BNC2: variants seen among roughly 807,000 people sequenced by gnomAD.
BNC2 encodes zinc finger protein basonuclin-2.
In BNC2, 20 loss-of-function variants were observed where a neutral mutation model predicts 76.3. That is an observed-to-expected ratio of 0.26 (90% confidence interval 0.18 to 0.38). The LOEUF (loss-of-function observed/expected upper bound fraction) is 0.38. Ranked by LOEUF, BNC2 falls within the 10% of genes least tolerant of loss-of-function variation. The probability of loss-of-function intolerance (pLI) is 1.00; values close to 1 mark genes in which losing one functional copy is unlikely to be tolerated. For missense variants in BNC2, 1,382 were observed against 1,399.8 expected (o/e 0.99, Z 0.20); for synonymous variants, 582 against 514.8 (o/e 1.13, Z -1.77).
At chr9:16,677,258 A>G (rs1338026587) in intron 3 of BNC2, among the ~76,000 whole-genome samples, 1 of 152,152 alleles carries the variant, frequency 6.6e-6, no homozygotes, top group Non-Finnish European at 1.5e-5. Flanking sequence ...CTATCCATCA[A>G]TTAAAATAAA....
chr9:16,616,976 A>C (rs1158290694), intron 3 of BNC2, among the ~76,000 whole-genome samples: 2 of 152,186 alleles, frequency 1.3e-5, no homozygotes, highest in East Asian at 3.9e-4. Context: ...GAATCTTTAA[A>C]AAAAATAGTT....
chr9:16,605,779 GAATT>G (rs974486686), intron 3 of BNC2, among the ~76,000 whole-genome samples: 3 of 139,242 alleles, frequency 2.2e-5, no homozygotes, highest in Non-Finnish European at 3.1e-5. Context: ...AACCTTTCAA[GAATT>G]CTTTTTTTTT....
chr9:16,447,610 T>C (rs994484608), intron 5 of BNC2, among the ~76,000 whole-genome samples: 10 of 152,208 alleles, frequency 6.6e-5, no homozygotes, highest in Non-Finnish European at 1.3e-4. Context: ...GTCAGTGATG[T>C]GATTACAGTC....
intron 1 of BNC2, among the ~76,000 whole-genome samples, chr9:16,770,435 A>T (rs547534828): frequency 6.6e-6 from 1 of 152,320 alleles, no homozygotes; most frequent in African/African-American, 2.4e-5. Context: ...TCTCTAAATT[A>T]ACTTGGTCTT....
intron 3 of BNC2, among the ~76,000 whole-genome samples, chr9:16,614,958 T>TTAAAAA (rs1820655766): frequency 1.6e-5 from 1 of 62,520 alleles, no homozygotes; most frequent in African/African-American, 6.6e-5. Flanking sequence ...TCTGTCTCTT[T>TTAAAAA]AAAAAAAAAA....
At chr9:16,493,014 C>T (rs1415022720) in intron 5 of BNC2, among the ~76,000 whole-genome samples, 1 of 152,102 alleles carries the variant, frequency 6.6e-6, no homozygotes, top group African/African-American at 2.4e-5. Context: ...ATCCATACTG[C>T]AGAGTATGAA....
At chr9:16,529,485 A>G (rs901913827) in intron 5 of BNC2, among the ~76,000 whole-genome samples, 1 of 152,144 alleles carries the variant, frequency 6.6e-6, no homozygotes, top group African/African-American at 2.4e-5. Flanking sequence ...TTTTATATTA[A>G]TTTTGTATTA....
chr9:16,866,976 G>T, intron 1 of BNC2, among the ~76,000 whole-genome samples: 1 of 152,106 alleles, frequency 6.6e-6, no homozygotes, highest in East Asian at 1.9e-4. Flanking sequence ...AAATCAGAAA[G>T]CGTTGCTCCT....
intron 3 of BNC2, among the ~76,000 whole-genome samples, chr9:16,584,707 A>T (rs1819723003): frequency 6.6e-6 from 1 of 152,174 alleles, no homozygotes; most frequent in Admixed American, 6.6e-5. Flanking sequence ...AAGTTCTTAA[A>T]TTTCAATAAT....
intron 2 of BNC2, among the ~76,000 whole-genome samples, chr9:16,733,937 C>A (rs1824585152): frequency 6.6e-6 from 1 of 152,074 alleles, no homozygotes; most frequent in Non-Finnish European, 1.5e-5. Flanking sequence ...TGCACTCTCC[C>A]ACTGGCTCCT....
At chr9:16,558,911 G>C (rs1818923457) in intron 4 of BNC2, among the ~76,000 whole-genome samples, 1 of 147,102 alleles carries the variant, frequency 6.8e-6, no homozygotes, top group Non-Finnish European at 1.5e-5. Flanking sequence ...TCCAGCCTGG[G>C]TGACAGAGCA....
intron 1 of BNC2, among the ~76,000 whole-genome samples, chr9:16,784,598 T>G (rs541992190): frequency 1.1e-4 from 16 of 152,328 alleles, no homozygotes; most frequent in African/African-American, 3.1e-4. Context: ...GGGCTTACTC[T>G]GAATACAGAG....
intron 5 of BNC2, among the ~76,000 whole-genome samples, chr9:16,441,851 G>C (rs1377523044): frequency 1.3e-5 from 2 of 152,184 alleles, no homozygotes; most frequent in Non-Finnish European, 2.9e-5. Flanking sequence ...CTTTACAAAA[G>C]TAAATTGGAG....
intron 1 of BNC2, among the ~76,000 whole-genome samples, chr9:16,850,991 G>A (rs1174135817): frequency 6.6e-6 from 1 of 152,044 alleles, no homozygotes; most frequent in Non-Finnish European, 1.5e-5. Flanking sequence ...AGACCTCCAA[G>A]AGCATTTTAA....
At chr9:16,808,478 A>ATTTT (rs1445917742) in intron 1 of BNC2, among the ~76,000 whole-genome samples, 1 of 79,404 alleles carries the variant, frequency 1.3e-5, no homozygotes, top group Non-Finnish European at 3.6e-5. Context: ...ATCTTGGGCA[A>ATTTT]CTTTTTTTTT....
At chr9:16,542,066 A>G (rs1028201534) in intron 5 of BNC2, among the ~76,000 whole-genome samples, 1 of 152,182 alleles carries the variant, frequency 6.6e-6, no homozygotes, top group African/African-American at 2.4e-5. Flanking sequence ...TAACCACATT[A>G]CTCACACTAA....
At chr9:16,756,025 C>A (rs7032294) in intron 1 of BNC2, among the ~76,000 whole-genome samples, 141,851 of 152,244 alleles carry the variant, frequency 0.93, 66,184 homozygotes, top group East Asian at 0.99. Flanking sequence ...TGAAAAACAA[C>A]CCTCTGGGAT....
chr9:16,490,583 T>C (rs942673968), intron 5 of BNC2, among the ~76,000 whole-genome samples: 10 of 152,166 alleles, frequency 6.6e-5, no homozygotes, highest in Non-Finnish European at 1.2e-4. Flanking sequence ...TGTGGGTGTG[T>C]GTATGTGTGT....
intron 1 of BNC2, among the ~76,000 whole-genome samples, chr9:16,762,284 G>A (rs562105424): frequency 6.6e-6 from 1 of 152,302 alleles, no homozygotes; most frequent in African/African-American, 2.4e-5. Flanking sequence ...AGAAGGGGCT[G>A]ATGTAGGAAA....
Sources: allele counts gnomAD v4.1 joint callset (sites outside exome capture counted in the v4.1 genomes callset), GRCh38; gene constraint gnomAD v4.1.1; transcripts MANE v1.5; gene names NCBI Gene and HGNC (gene_info 2026-07-23, HGNC 2026-07-21).